The following DCBLD1 variants were observed in gnomAD, a reference collection of about 807,000 sequenced individuals.
DCBLD1 encodes discoidin, CUB and LCCL domain containing 1.
DCBLD1 carries 57 observed loss-of-function variants against 71.5 expected under a neutral mutation model. The ratio of observed to expected loss-of-function variants is 0.80; its 90% CI spans 0.64 to 0.99. The LOEUF is 0.99. Among genes scored for constraint, DCBLD1 ranks in the 50% least tolerant of loss-of-function variants. The probability of loss-of-function intolerance (pLI) is 0.00; values close to 1 mark genes in which losing one functional copy is unlikely to be tolerated. For missense variants in DCBLD1, 891 were observed against 923.5 expected (o/e 0.96, Z 0.46); for synonymous variants, 380 against 363.8 (o/e 1.04, Z -0.51).
At chr6:117,521,351 A>G (rs1778378111) in intron 3 of DCBLD1, among the ~76,000 whole-genome samples, 174 bp from the exon 4 acceptor site, 1 of 152,274 alleles carries the variant, frequency 6.6e-6, no homozygotes, top group South Asian at 2.1e-4. Context: ...AAAGGAACTC[A>G]TTAAATACTG....
rs114961892 is a variant in DCBLD1, at chr6:117,499,160, G to T, written c.113-4607G>T. Among the ~76,000 whole-genome samples, 480 of 150,430 alleles carry T rather than the reference G, an allele frequency of 3.2e-3. 1 individual carries two copies. Among genetic ancestry groups the T allele is most frequent in the African/African-American group, 0.011 (458 of 40,728 alleles). ...GTGCACACCTGTAATCCCAGCATTT[G>T]GGAGGCCAAGGCGGGAAGATCGCTT... is the stretch of plus-strand genomic sequence containing the variant. On this transcript the variant is annotated intron_variant, in intron 1 of 14. Coordinates refer to ENST00000338728, the MANE Select transcript of DCBLD1 (RefSeq NM_001366458.2).
intron 5 of DCBLD1, among the ~76,000 whole-genome samples, chr6:117,531,591 C>G (rs1173432226): frequency 6.6e-6 from 1 of 152,204 alleles, no homozygotes; most frequent in Admixed American, 6.5e-5. Flanking sequence ...CTTTTTGATG[C>G]CTCCTGAGGG....
chr6:117,539,500 T>G, intron 9 of DCBLD1, 121 bp downstream of exon 9: 1 of 1,169,420 alleles, frequency 8.6e-7, no homozygotes, highest in Non-Finnish European at 1.2e-6. Flanking sequence ...GCATGGTGGT[T>G]CATGCCTGTA....
chr6:117,547,794 G>GC, intron 14 of DCBLD1, 113 bp from the exon 15 acceptor site: 1 of 1,542,554 alleles, frequency 6.5e-7, no homozygotes, highest in Non-Finnish European at 8.8e-7. Flanking sequence ...ACACCTGAGG[G>GC]CACCCGGGGG....
intron 4 of DCBLD1, among the ~76,000 whole-genome samples, chr6:117,523,969 T>C (rs1001212360): frequency 3.3e-5 from 5 of 152,152 alleles, no homozygotes; most frequent in African/African-American, 1.2e-4. Flanking sequence ...TTTTTATAGA[T>C]GTTTATAGCT....
chr6:117,529,865 A>C (rs1027546782), intron 5 of DCBLD1, among the ~76,000 whole-genome samples: 2 of 152,204 alleles, frequency 1.3e-5, no homozygotes, highest in Non-Finnish European at 1.5e-5. Flanking sequence ...ATTAAATAAA[A>C]ATTTTATAAA....
chr6:117,546,244 TTA>T (rs1779261571), intron 14 of DCBLD1, among the ~76,000 whole-genome samples: 1 of 152,176 alleles, frequency 6.6e-6, no homozygotes, highest in Admixed American at 6.5e-5. Flanking sequence ...TTCTTGACAC[TTA>T]GTCTCAATTT....
chr6:117,569,667 C>T (rs751358313), exon 15 of DCBLD1: 26 of 1,611,240 alleles, frequency 1.6e-5, no homozygotes, highest in African/African-American at 4.0e-5. Flanking sequence ...TGCAGCCCTC[C>T]GCATCTATCA....
chr6:117,544,707 AG>A, intron 13 of DCBLD1, 130 bp downstream of exon 13: 3 of 856,100 alleles, frequency 3.5e-6, no homozygotes, highest in Admixed American at 3.0e-5. Context: ...TAGCCTTTAA[AG>A]TAGCATATCT....
At chr6:117,515,763 T>G (rs1402602460) in intron 2 of DCBLD1, among the ~76,000 whole-genome samples, 2 of 152,252 alleles carry the variant, frequency 1.3e-5, no homozygotes. Context: ...TCTTCCTGAC[T>G]TCTCCATAGT....
At chr6:117,491,151 A>G (rs1375515582) in intron 1 of DCBLD1, among the ~76,000 whole-genome samples, 1 of 152,204 alleles carries the variant, frequency 6.6e-6, no homozygotes, top group Non-Finnish European at 1.5e-5. Context: ...CACAAAAGCA[A>G]GTTTACCTCA....
At chr6:117,525,272 G>T in intron 4 of DCBLD1, 90 bp from the exon 5 acceptor site, 1 of 948,002 alleles carries the variant, frequency 1.1e-6, no homozygotes, top group Non-Finnish European at 1.4e-6. Context: ...TATATGGAGG[G>T]CAGAAAATAC....
downstream of DCBLD1, among the ~76,000 whole-genome samples, chr6:117,553,263 A>C (rs1195065752): frequency 1.3e-5 from 2 of 152,204 alleles, no homozygotes; most frequent in African/African-American, 4.8e-5. Flanking sequence ...TCACCTAAAA[A>C]TAAAAGTCGT....
chr6:117,498,110 A>G (rs1384248480), intron 1 of DCBLD1, among the ~76,000 whole-genome samples: 3 of 152,250 alleles, frequency 2.0e-5, no homozygotes, highest in Non-Finnish European at 4.4e-5. Context: ...CAGAATTAAA[A>G]TCTGTATACT....
intron 5 of DCBLD1, among the ~76,000 whole-genome samples, chr6:117,531,254 G>A (rs1179420797): frequency 6.6e-6 from 1 of 152,182 alleles, no homozygotes; most frequent in Non-Finnish European, 1.5e-5. Flanking sequence ...AATTTCATGA[G>A]CTGCCTTTCT....
chr6:117,539,097 A>C, intron 8 of DCBLD1, 158 bp from the exon 9 acceptor site: 1 of 740,008 alleles, frequency 1.4e-6, no homozygotes, highest in Admixed American at 3.2e-5. Flanking sequence ...TGAAAACATT[A>C]ATCTGTGAAG....
intron 1 of DCBLD1, among the ~76,000 whole-genome samples, chr6:117,492,597 T>G (rs182795943): frequency 6.6e-6 from 1 of 152,300 alleles, no homozygotes; most frequent in East Asian, 1.9e-4. Context: ...GCCATAGAAA[T>G]ATTAAGATTT....
chr6:117,538,690 T>A lies in DCBLD1; in HGVS notation c.831T>A (p.Asn277Lys), dbSNP rs1195784148. 4 of 1,614,096 alleles carry A rather than the reference T, an allele frequency of 2.5e-6. No individual in the cohort carries two copies. The highest frequency in any genetic ancestry group is 3.4e-6 in the Non-Finnish European group (4 of 1,180,010). The change falls in exon 8 of 15, where the codon AAT (asparagine) becomes AAA (lysine). Residue 277 changes from asparagine (N) to lysine (K), a missense_variant. Physicochemically the swap from Asn to Lys is moderately conservative, Grantham distance 94. Transcript: ENST00000338728. The stretch of plus-strand genomic sequence containing the variant: ...CTTCTTCCTCATGGCAGTCGGTCAA[T>A]GAGAGTGGAGACCAAGTTCACTGGT... ...IRASSSWQSV[N>K]ESGDQVHWSP...
chr6:117,544,312 C>T, intron 12 of DCBLD1: 3 of 473,786 alleles, frequency 6.3e-6, no homozygotes, highest in South Asian at 4.5e-5. Flanking sequence ...ATATATTCTT[C>T]TAGTGAAATC....
Sources: gnomAD v4.1 joint callset for allele counts (sites outside exome capture counted in the v4.1 genomes callset) on GRCh38, gnomAD v4.1.1 for gene constraint, MANE v1.5 for transcripts, NCBI Gene and HGNC (gene_info 2026-07-23, HGNC 2026-07-21) for gene names.